Variants in NSG2 observed in about 807,000 individuals in gnomAD.
The protein encoded by NSG2 is neuronal vesicle trafficking associated 2, also known as neuronal vesicle trafficking-associated protein 2.
In NSG2, 4 loss-of-function variants were observed where a neutral mutation model predicts 16.9. That is an observed-to-expected ratio of 0.24 (90% CI 0.12 to 0.54). The LOEUF is 0.54. NSG2 is among the 20% of genes least tolerant of loss of function. The pLI is 0.95. For missense variants in NSG2, 179 were observed against 221.1 expected (o/e 0.81, Z 1.21); for synonymous variants, 98 against 88.7 (o/e 1.11, Z -0.59).
At chr5:174,099,331 C>T (rs1760864103) in intron 3 of NSG2, among the ~76,000 whole-genome samples, 1 of 152,162 alleles carries the variant, frequency 6.6e-6, no homozygotes, top group South Asian at 2.1e-4. Flanking sequence ...GCCCTTCCTC[C>T]TCTTGTCTCG....
chr5:174,107,293 C>T lies in NSG2; in HGVS notation c.325-21C>T. On this transcript the variant is annotated intron_variant, in intron 4 of 4. Coordinates refer to ENST00000303177, the MANE Select transcript of NSG2 (RefSeq NM_015980.5). The surrounding 1 kb of genome is among the most constrained non-coding windows in gnomAD (Gnocchi z 4.5). The stretch of plus-strand genomic sequence containing the variant: ...GAGCAGTTTGCTGAATGACCCCTGA[C>T]TCTGTCTCTTTCTTCCCCAGCACAA... 6.5e-7 allele frequency: 1 copy of T among 1,531,950 alleles called. No homozygotes were observed. The highest frequency in any genetic ancestry group is 8.8e-7 in the Non-Finnish European group (1 of 1,134,488). 94.9% of individuals were successfully genotyped at this position (1,531,950 alleles called of 1,614,324 possible). A position where few individuals can be genotyped will look rare whatever the true frequency, so the allele number is the denominator to read the frequency against.
At chr5:174,050,316 G>A (rs1396753720) in intron 2 of NSG2, among the ~76,000 whole-genome samples, 1 of 152,202 alleles carries the variant, frequency 6.6e-6, no homozygotes, top group Admixed American at 6.5e-5. Flanking sequence ...TTAGTAGTAT[G>A]AAATCTGAAT....
chr5:174,086,030 GTGGCC>G (rs764558318), intron 3 of NSG2, among the ~76,000 whole-genome samples: 23 of 152,108 alleles, frequency 1.5e-4, no homozygotes, highest in Admixed American at 3.3e-4. Flanking sequence ...GTGGTAGATG[GTGGCC>G]TGTACATATT....
chr5:174,099,918 A>G (rs914044283), intron 3 of NSG2, among the ~76,000 whole-genome samples: 3 of 151,892 alleles, frequency 2.0e-5, no homozygotes, highest in South Asian at 2.1e-4. Context: ...CCATCAGTCC[A>G]TCTCTTCCTC....
At chr5:174,076,904 A>G (rs1760353480) in intron 3 of NSG2, among the ~76,000 whole-genome samples, 1 of 152,226 alleles carries the variant, frequency 6.6e-6, no homozygotes, top group African/African-American at 2.4e-5. Flanking sequence ...TCTAGGATTT[A>G]CCAGCATGTT....
intron 3 of NSG2, among the ~76,000 whole-genome samples, chr5:174,076,014 C>T (rs1760335305): frequency 6.6e-6 from 1 of 152,242 alleles, no homozygotes; most frequent in Non-Finnish European, 1.5e-5. Flanking sequence ...TAATTCTTGA[C>T]AACCTGAACC....
chr5:174,064,570 A>G (rs564998523), intron 3 of NSG2: 13 of 316,800 alleles, frequency 4.1e-5, no homozygotes, highest in African/African-American at 1.1e-4. Flanking sequence ...TGCCTCTTCT[A>G]TTCCTTCTCC....
At chr5:174,054,873 G>A (rs1759943141) in intron 2 of NSG2, among the ~76,000 whole-genome samples, 1 of 152,204 alleles carries the variant, frequency 6.6e-6, no homozygotes, top group South Asian at 2.1e-4. Context: ...GACCCTGGGT[G>A]AGTTTATTAA....
In NSG2 at chr5:174,046,770, C is replaced by T. The variant is rs1759806155; in HGVS notation, c.15C>T (p.Asn5=). 1.9e-6 allele frequency: 3 copies of T among 1,614,020 alleles called. No individual in the cohort carries two copies. The highest frequency in any genetic ancestry group is 2.5e-6 in the Non-Finnish European group (3 of 1,180,040). Reference sequence around the variant, plus strand: ...AAGGCGTAAGGATGGTGAAGCTGAACAGTAACCCCAGCGAGAAGGGAACCA... The same window carrying T: ...AAGGCGTAAGGATGGTGAAGCTGAATAGTAACCCCAGCGAGAAGGGAACCA... MVKL[N]SNPSEKGTKP... Residue 5 remains asparagine (N), a synonymous_variant, in exon 2 of 5, where the codon AAC becomes AAT. Transcript: ENST00000303177.
chr5:174,056,047 A>ACTT (rs1291411370), intron 2 of NSG2: 3 of 152,354 alleles, frequency 2.0e-5, no homozygotes, highest in African/African-American at 7.2e-5. Context: ...CATCTGGGCA[A>ACTT]CTTCACCCTC....
intron 2 of NSG2, among the ~76,000 whole-genome samples, chr5:174,051,699 A>G (rs778317624): frequency 3.3e-5 from 5 of 152,276 alleles, no homozygotes; most frequent in Non-Finnish European, 7.3e-5. Flanking sequence ...TGGAGCTTCC[A>G]GTCCAATGAG....
intron 2 of NSG2, among the ~76,000 whole-genome samples, chr5:174,049,985 T>C (rs1443470880): frequency 6.6e-6 from 1 of 152,164 alleles, no homozygotes; most frequent in African/African-American, 2.4e-5. Flanking sequence ...CCACTCCAAC[T>C]CTTACCAGCC....
At chr5:174,049,441 ACGTG>A (rs1433795957) in intron 2 of NSG2, among the ~76,000 whole-genome samples, 13 of 151,916 alleles carry the variant, frequency 8.6e-5, no homozygotes, top group African/African-American at 2.2e-4. Flanking sequence ...GTGCACGCGC[ACGTG>A]CACACACACA....
intron 2 of NSG2, among the ~76,000 whole-genome samples, chr5:174,054,543 C>G (rs1202198331): frequency 6.6e-6 from 1 of 152,168 alleles, no homozygotes; most frequent in Non-Finnish European, 1.5e-5. Context: ...CTACCACACC[C>G]AGGCTGATTT....
chr5:174,074,406 A>T (rs1429446895), intron 3 of NSG2, among the ~76,000 whole-genome samples: 1 of 152,068 alleles, frequency 6.6e-6, no homozygotes, highest in Non-Finnish European at 1.5e-5. Flanking sequence ...TTGGGTCTCC[A>T]GTGGGAAGCT....
intron 3 of NSG2, among the ~76,000 whole-genome samples, chr5:174,069,361 C>T (rs996069936): frequency 2.0e-5 from 3 of 152,124 alleles, no homozygotes; most frequent in Non-Finnish European, 2.9e-5. Context: ...TTTCCAGGTT[C>T]GTCTGTGAGT....
rs116382233 is a variant in NSG2 at position 174,054,539 on chromosome 5, C to T, written c.129+7655C>T. On this transcript the variant is annotated intron_variant, in intron 2 of 4. Transcript: ENST00000303177. ...CTGGGACTACAGGCACATGCTACCA[C>T]ACCCAGGCTGATTTTTAAAGACTTT... 6.7e-3 allele frequency among the ~76,000 whole-genome samples: 1,014 copies of T among 152,292 alleles called. 11 individuals carry two copies. Among genetic ancestry groups the T allele is most frequent in the African/African-American group, 0.024 (978 of 41,550 alleles).
chr5:174,046,324 G>C (rs982387688), intron 1 of NSG2, among the ~76,000 whole-genome samples: 2 of 151,426 alleles, frequency 1.3e-5, no homozygotes, highest in Non-Finnish European at 2.9e-5. Flanking sequence ...AGCAACCAGA[G>C]TGGTGAGGTG....
intron 2 of NSG2, among the ~76,000 whole-genome samples, chr5:174,063,354 C>T (rs1229450760): frequency 2.6e-5 from 4 of 152,072 alleles, no homozygotes; most frequent in Non-Finnish European, 2.9e-5. Context: ...GACAGCATAT[C>T]TTGATAAGAT....
Sources: allele counts gnomAD v4.1 joint callset (sites outside exome capture counted in the v4.1 genomes callset), GRCh38; gene constraint gnomAD v4.1.1; non-coding constraint Gnocchi (gnomAD v3.1); transcripts MANE v1.5; gene names NCBI Gene and HGNC (gene_info 2026-07-23, HGNC 2026-07-21).